Variants in DCAF8L2 observed in about 807,000 individuals in gnomAD.
The protein encoded by DCAF8L2 is DDB1- and CUL4-associated factor 8-like protein 2.
For synonymous variants in DCAF8L2, 200 were observed against 190.9 expected, an observed-to-expected ratio of 1.05 and a Z score of -0.39; for missense variants, 430 against 490.7, an observed-to-expected ratio of 0.88 and a Z score of 1.17.
the DCAF8L2 span, among the ~76,000 whole-genome samples, chrX:27,512,197 G>A: frequency 0.2 from 21,905 of 110,537 alleles, 1,879 homozygotes; most frequent in East Asian, 0.37. Context: ...ATTCAGCCCT[G>A]GAAGTTGAGG....
the DCAF8L2 span, among the ~76,000 whole-genome samples, chrX:27,559,474 C>A: frequency 9.0e-6 from 1 of 111,707 alleles, no homozygotes; most frequent in Non-Finnish European, 1.9e-5. Context: ...TGCTTGTGGC[C>A]CGTGAGAGGT....
chrX:27,480,798 G>T, the DCAF8L2 span, among the ~76,000 whole-genome samples: 2 of 111,256 alleles, frequency 1.8e-5, no homozygotes, highest in South Asian at 7.6e-4. Flanking sequence ...TGACCTACTG[G>T]ACCCTAACTG....
chrX:27,538,738 C>A, the DCAF8L2 span, among the ~76,000 whole-genome samples: 1 of 111,234 alleles, frequency 9.0e-6, no homozygotes, highest in Non-Finnish European at 1.9e-5. Flanking sequence ...GAACTAAAGG[C>A]TTTGCTCATA....
At chrX:27,705,192 T>C (rs1306179150) in intron 3 of DCAF8L2, among the ~76,000 whole-genome samples, 1 of 111,425 alleles carries the variant, frequency 9.0e-6, no homozygotes. Context: ...ATTCTCTTTA[T>C]CCAATCTACC....
At chrX:27,478,325 T>A in the DCAF8L2 span, among the ~76,000 whole-genome samples, 1 of 112,341 alleles carries the variant, frequency 8.9e-6, no homozygotes, top group African/African-American at 3.2e-5. Context: ...GATTTATACA[T>A]AAAAGGTGCT....
the DCAF8L2 span, among the ~76,000 whole-genome samples, chrX:27,527,685 C>T: frequency 9.2e-6 from 1 of 108,799 alleles, no homozygotes; most frequent in East Asian, 2.9e-4. Flanking sequence ...TTTTTCCGCT[C>T]ATGTCACCCA....
chrX:27,500,214 A>C, the DCAF8L2 span, among the ~76,000 whole-genome samples: 16,560 of 111,235 alleles, frequency 0.15, 1,038 homozygotes, highest in East Asian at 0.36. Context: ...AAAATAGTGT[A>C]ATCCACCAAA....
At chrX:27,640,338 A>G (rs904215841) in intron 2 of DCAF8L2, among the ~76,000 whole-genome samples, 6 of 112,346 alleles carry the variant, frequency 5.3e-5, no homozygotes, top group Non-Finnish European at 7.5e-5. Flanking sequence ...TGTTATATAA[A>G]TGAATCCATA....
At chrX:27,746,702 G>A (rs751579663) in intron 4 of DCAF8L2, 136 bp from the exon 5 acceptor site, 1 of 403,603 alleles carries the variant, frequency 2.5e-6, no homozygotes, top group East Asian at 3.8e-5. Flanking sequence ...TGAACCTCAT[G>A]GGATCCCATA....
chrX:27,653,998 G>T (rs1308773691), intron 2 of DCAF8L2, among the ~76,000 whole-genome samples: 2 of 111,341 alleles, frequency 1.8e-5, no homozygotes, highest in African/African-American at 6.5e-5. Context: ...CCAGGCACTT[G>T]GGAATATATT....
intron 1 of DCAF8L2, among the ~76,000 whole-genome samples, chrX:27,628,678 A>C (rs1440407612): frequency 9.6e-6 from 1 of 104,402 alleles, no homozygotes. Context: ...ATCTCGGCTC[A>C]CTGCAAGCTC....
the DCAF8L2 span, among the ~76,000 whole-genome samples, chrX:27,474,767 G>A: frequency 1.8e-5 from 2 of 111,712 alleles, no homozygotes; most frequent in East Asian, 5.7e-4. Flanking sequence ...TTGGCTCAAT[G>A]GTTAGGTATT....
chrX:27,610,901 G>A (rs773330425), intron 1 of DCAF8L2, among the ~76,000 whole-genome samples: 38 of 112,219 alleles, frequency 3.4e-4, no homozygotes, highest in African/African-American at 1.2e-3. Flanking sequence ...AGATTAATAC[G>A]GCCTCTAGTA....
the DCAF8L2 span, among the ~76,000 whole-genome samples, chrX:27,485,423 A>AT: frequency 9.2e-6 from 1 of 109,289 alleles, no homozygotes; most frequent in African/African-American, 3.5e-5. Context: ...AAGTCCTTTC[A>AT]TTTTTAGGTA....
chrX:27,670,328 A>C (rs1049326702), intron 2 of DCAF8L2, among the ~76,000 whole-genome samples: 1 of 111,342 alleles, frequency 9.0e-6, no homozygotes, highest in East Asian at 2.8e-4. Context: ...TGACTGGACT[A>C]TCTGGAGAGG....
the DCAF8L2 span, among the ~76,000 whole-genome samples, chrX:27,514,526 G>C: frequency 9.5e-5 from 10 of 104,799 alleles, no homozygotes; most frequent in Admixed American, 1.0e-3. Flanking sequence ...AAAATTAGCC[G>C]GGCGTAGTGG....
intron 1 of DCAF8L2, among the ~76,000 whole-genome samples, chrX:27,615,502 A>C (rs1292345165): frequency 9.9e-6 from 1 of 101,430 alleles, no homozygotes; most frequent in Non-Finnish European, 2.0e-5. Context: ...TAAACGCACA[A>C]AAAATAATAG....
At chrX:27,547,819 T>TGC in the DCAF8L2 span, among the ~76,000 whole-genome samples, 1 of 88,125 alleles carries the variant, frequency 1.1e-5, no homozygotes, top group African/African-American at 4.2e-5. Flanking sequence ...CTTCCCCATT[T>TGC]GCTCTCTCTC....
At chrX:27,619,419 C>G (rs946230934) in intron 1 of DCAF8L2, among the ~76,000 whole-genome samples, 6 of 110,454 alleles carry the variant, frequency 5.4e-5, no homozygotes, top group African/African-American at 2.0e-4. Flanking sequence ...GAGAGAGAGA[C>G]AGACAGACAG....
Sources: gnomAD v4.1 joint callset for allele counts (sites outside exome capture counted in the v4.1 genomes callset) on GRCh38, gnomAD v4.1.1 for gene constraint, MANE v1.5 for transcripts, NCBI Gene and HGNC (gene_info 2026-07-23, HGNC 2026-07-21) for gene names.